ATRX: variants seen among roughly 807,000 people sequenced by gnomAD.
ATRX encodes chromatin remodeler ATRX.
ATRX carries 12 observed loss-of-function variants against 172.6 expected under a neutral mutation model. The ratio of observed to expected loss-of-function variants is 0.07; its 90% CI spans 0.04 to 0.11. The LOEUF (loss-of-function observed/expected upper bound fraction) is 0.11. Among genes scored for constraint, ATRX ranks in the 10% least tolerant of loss-of-function variants. ATRX has a pLI of 1.00. For synonymous variants in ATRX, 674 were observed against 594.7 expected (o/e 1.13, Z -1.94); for missense variants, 1,368 against 1,767.4 (o/e 0.77, Z 4.05).
At chrX:77,599,651 C>A (rs1229914447) in intron 24 of ATRX, 71 bp from the exon 25 acceptor site, 1 of 1,194,088 alleles carries the variant, frequency 8.4e-7, no homozygotes, top group Non-Finnish European at 1.1e-6. Flanking sequence ...AAGATGTAAA[C>A]GTCAATTATA....
rs1001614903 is a variant in ATRX, at chrX:77,632,957, T to C, written c.5134+250A>G. Among the ~76,000 whole-genome samples, 3 of 112,007 alleles carry C rather than the reference T, an allele frequency of 2.7e-5. No homozygotes were observed. The East Asian group carries it at 8.4e-4, about 31-fold the overall frequency. On this transcript the variant is annotated intron_variant, in intron 19 of 34. Coordinates refer to ENST00000373344, the MANE Select transcript of ATRX (RefSeq NM_000489.6). ...GCAACACAGGCATTTGATGCATTTT[T>C]AAGTGTTTACAAGGTATCCCCTAAA...
intron 10 of ATRX, among the ~76,000 whole-genome samples, chrX:77,673,687 AT>A (rs1186630352): frequency 9.0e-6 from 1 of 111,242 alleles, no homozygotes; most frequent in Non-Finnish European, 1.9e-5. Context: ...AATATTCAGG[AT>A]ATGACTAAGT....
chrX:77,680,856 T>C (rs782465242), intron 9 of ATRX, among the ~76,000 whole-genome samples: 1 of 111,543 alleles, frequency 9.0e-6, no homozygotes, highest in East Asian at 2.8e-4. Flanking sequence ...TTTAAAGATT[T>C]TAATTAATTC....
At chrX:77,779,269 C>T (rs1258789352) in intron 1 of ATRX, among the ~76,000 whole-genome samples, 1 of 108,942 alleles carries the variant, frequency 9.2e-6, no homozygotes, top group African/African-American at 3.3e-5. Context: ...ATAAAGCTTT[C>T]CTTGGTCCCC....
intron 22 of ATRX, among the ~76,000 whole-genome samples, chrX:77,606,334 C>A (rs1191008975): frequency 1.8e-5 from 2 of 110,999 alleles, no homozygotes; most frequent in South Asian, 7.6e-4. Context: ...GTACCTAATA[C>A]CTTCACTGCT....
At chrX:77,722,946 C>T (rs782810970) in intron 1 of ATRX, among the ~76,000 whole-genome samples, 2 of 112,130 alleles carry the variant, frequency 1.8e-5, no homozygotes, top group Admixed American at 9.5e-5. Flanking sequence ...ACCCAAATGC[C>T]CATCAGTGAT....
chrX:77,681,241 A>G (rs1407847653), intron 9 of ATRX, among the ~76,000 whole-genome samples: 2 of 111,577 alleles, frequency 1.8e-5, no homozygotes, highest in Non-Finnish European at 3.8e-5. Flanking sequence ...TCTGCTCATT[A>G]CTCCAGAGAA....
intron 26 of ATRX, among the ~76,000 whole-genome samples, chrX:77,591,620 T>C (rs1444172819): frequency 9.0e-6 from 1 of 111,313 alleles, no homozygotes; most frequent in Non-Finnish European, 1.9e-5. Flanking sequence ...ACTGTTGGAG[T>C]CTACTATCTC....
chrX:77,618,663 C>T (rs2067458842), intron 21 of ATRX, 143 bp downstream of exon 21: 2 of 567,317 alleles, frequency 3.5e-6, no homozygotes, highest in Non-Finnish European at 5.6e-6. Context: ...TTTAAGACAA[C>T]GCAAGGAGAT....
In ATRX at chrX:77,508,963, G is replaced by C. The variant is rs181334141; in HGVS notation, c.7201-334C>G. Reference sequence around the variant, plus strand: ...AGACTCCTTTCTTTGTCATTCTTTTGAATATTTCACATGATGACAGACAAA... The same window carrying C: ...AGACTCCTTTCTTTGTCATTCTTTTCAATATTTCACATGATGACAGACAAA... On this transcript the variant is annotated intron_variant, in intron 34 of 34. Transcript: ENST00000373344. Among the ~76,000 whole-genome samples, 15 of 112,140 alleles carry C rather than the reference G, an allele frequency of 1.3e-4. No homozygotes were observed. The East Asian group carries it at 4.2e-3, about 31-fold the overall frequency.
At chrX:77,596,384 C>T (rs1049667621) in intron 25 of ATRX, 2 of 109,843 alleles carry the variant, frequency 1.8e-5, no homozygotes, top group Admixed American at 2.0e-4. Flanking sequence ...TACGTATGTC[C>T]ATACATTATG....
intron 34 of ATRX, among the ~76,000 whole-genome samples, chrX:77,517,921 TATG>T (rs1254635003): frequency 3.6e-5 from 4 of 112,245 alleles, no homozygotes; most frequent in Admixed American, 2.8e-4. Context: ...ACAAAAACTG[TATG>T]ATAATTTCAA....
At chrX:77,629,230 T>C (rs1195470763) in intron 19 of ATRX, among the ~76,000 whole-genome samples, 4 of 112,434 alleles carry the variant, frequency 3.6e-5, no homozygotes, top group African/African-American at 1.3e-4. Context: ...TCTGCTGCCA[T>C]TTATATGATT....
intron 22 of ATRX, among the ~76,000 whole-genome samples, chrX:77,612,791 T>G (rs1473751435): frequency 9.0e-6 from 1 of 111,173 alleles, no homozygotes; most frequent in East Asian, 2.8e-4. Context: ...ACCATTCTAC[T>G]TTCTACTCGT....
intron 28 of ATRX, among the ~76,000 whole-genome samples, chrX:77,562,965 T>C (rs997205089): frequency 2.7e-5 from 3 of 112,844 alleles, no homozygotes; most frequent in Admixed American, 1.9e-4. Flanking sequence ...CTGGGTTGTT[T>C]TCTTTCTGAG....
chrX:77,588,021 CA>C (rs1420677079), intron 27 of ATRX, among the ~76,000 whole-genome samples: 2 of 112,064 alleles, frequency 1.8e-5, no homozygotes, highest in African/African-American at 6.5e-5. Flanking sequence ...TTTCCAATTT[CA>C]ACATCACTTT....
intron 18 of ATRX, 76 bp from the exon 19 acceptor site, chrX:77,633,460 G>T: frequency 9.1e-7 from 1 of 1,104,248 alleles, no homozygotes; most frequent in Non-Finnish European, 1.2e-6. Flanking sequence ...ACTGAAATAT[G>T]CATCACTGGT....
At chrX:77,653,231 C>G (rs1398257330) in intron 14 of ATRX, among the ~76,000 whole-genome samples, 1 of 111,384 alleles carries the variant, frequency 9.0e-6, no homozygotes, top group African/African-American at 3.3e-5. Flanking sequence ...AACAGGGACT[C>G]AGATATGTAA....
Position 77,575,203 on chromosome X carries a change from C to T in ATRX, c.6218-845G>A, listed in dbSNP as rs1485785319. Among the ~76,000 whole-genome samples, 4 of 110,750 alleles carry T rather than the reference C, an allele frequency of 3.6e-5. No individual in the cohort carries two copies. In the Admixed American group the frequency reaches 3.9e-4, roughly 11 times the overall value. On this transcript the variant is annotated intron_variant, in intron 27 of 34. Coordinates refer to ENST00000373344, the MANE Select transcript of ATRX (RefSeq NM_000489.6). ...AAACAGTTAACAAAACTGAGATTTA[C>T]TTATGTCTTTCCAGCAAGCTCTTTA...
Sources: gnomAD v4.1 joint callset for allele counts (sites outside exome capture counted in the v4.1 genomes callset) on GRCh38, gnomAD v4.1.1 for gene constraint, MANE v1.5 for transcripts, NCBI Gene and HGNC (gene_info 2026-07-23, HGNC 2026-07-21) for gene names.